The following CARF variants were observed in gnomAD, a reference collection of about 807,000 sequenced individuals.
CARF encodes the protein calcium-responsive transcription factor.
CARF carries 57 observed loss-of-function variants against 82.0 expected under a neutral mutation model. That is an observed-to-expected ratio of 0.70 (90% CI 0.56 to 0.87). The LOEUF is 0.87. CARF is among the 40% of genes least tolerant of loss of function. The pLI, the probability that CARF is intolerant of heterozygous loss-of-function variation, is 0.00. For synonymous variants in CARF, 268 were observed against 290.1 expected (o/e 0.92, Z 0.77); for missense variants, 771 against 855.8 (o/e 0.90, Z 1.24).
chr2:202,937,670 G>A (rs571369231), intron 3 of CARF, among the ~76,000 whole-genome samples: 2 of 151,906 alleles, frequency 1.3e-5, no homozygotes, highest in Non-Finnish European at 1.5e-5. Context: ...TGTTGCCCAG[G>A]CTAGAGTGCA....
chr2:202,933,489 T>A (rs553651107), intron 3 of CARF, among the ~76,000 whole-genome samples: 3 of 152,034 alleles, frequency 2.0e-5, no homozygotes, highest in African/African-American at 7.2e-5. Context: ...AGTGGTGAGG[T>A]CTATTGGTAG....
At chr2:202,962,296 C>T (rs1468760992) in intron 9 of CARF, 1 of 152,090 alleles carries the variant, frequency 6.6e-6, no homozygotes, top group Admixed American at 6.6e-5. Flanking sequence ...GTTTGAGACC[C>T]ACCTGGGCAA....
rs1276376287 is a variant in CARF at position 202,986,831 on chromosome 2, C to G, written c.*3207C>G. ...TGAGAAAGATGTTGTTTAACTTGTA[C>G]CAGGTTTAAAAAAAGAGGTTTAAAA... On this transcript the variant is annotated 3_prime_UTR_variant, in exon 17 of 17. Coordinates refer to ENST00000438828, the MANE Select transcript of CARF (RefSeq NM_024744.17). 1.2e-5 allele frequency: 1 copy of G among 86,916 alleles called. No homozygotes were observed. The highest frequency in any genetic ancestry group is 1.4e-4 in the Admixed American group (1 of 7,298). The allele number at this position is 86,916 out of a possible 1,614,324, so 5.4% of individuals were successfully genotyped here.
intron 11 of CARF, among the ~76,000 whole-genome samples, chr2:202,970,374 T>C (rs1202947835): frequency 6.6e-6 from 1 of 152,224 alleles, no homozygotes; most frequent in African/African-American, 2.4e-5. Context: ...CTTTATTATA[T>C]ATTTAGTACT....
At chr2:202,921,848 TG>T (rs1165033408) in intron 2 of CARF, among the ~76,000 whole-genome samples, 2 of 151,862 alleles carry the variant, frequency 1.3e-5, no homozygotes, top group Non-Finnish European at 2.9e-5. Context: ...TTTCCTGAGA[TG>T]GGGTCTCACT....
chr2:202,944,181 A>G (rs542972596), intron 5 of CARF, among the ~76,000 whole-genome samples: 3 of 152,314 alleles, frequency 2.0e-5, no homozygotes, highest in East Asian at 1.9e-4. Flanking sequence ...GGCTAAAAGT[A>G]TTTTTGACCA....
intron 9 of CARF, 130 bp from the exon 10 acceptor site, chr2:202,966,848 C>CATTA: frequency 1.3e-6 from 1 of 755,084 alleles, no homozygotes; most frequent in East Asian, 2.6e-5. Flanking sequence ...GTAAGACTTA[C>CATTA]TAATGTTTTC....
chr2:202,912,412 G>T lies in CARF; in HGVS notation c.-1020G>T, dbSNP rs1209280209. On this transcript the variant is annotated 5_prime_UTR_variant, in exon 1 of 17. Coordinates refer to ENST00000438828, the MANE Select transcript of CARF (RefSeq NM_024744.17). Reference sequence around the variant, plus strand: ...TGGGGCTATCGGCGGCGGCAGGACTGGGGGAGTCAGAGGTCTGGCAGCGCT... The same window carrying T: ...TGGGGCTATCGGCGGCGGCAGGACTTGGGGAGTCAGAGGTCTGGCAGCGCT... 6.6e-6 allele frequency: 1 copy of T among 150,564 alleles called. No individual in the cohort carries two copies. Among genetic ancestry groups the T allele is most frequent in the Non-Finnish European group, 1.5e-5 (1 of 67,606 alleles). The allele number at this position is 150,564 out of a possible 1,614,324, so 9.3% of individuals were successfully genotyped here. A position where few individuals can be genotyped will look rare whatever the true frequency, so the allele number is the denominator to read the frequency against.
In CARF at chr2:202,912,697, G is replaced by A. The variant is rs1237068049; in HGVS notation, c.-735G>A. On this transcript the variant is annotated 5_prime_UTR_variant, in exon 1 of 17. Coordinates refer to ENST00000438828, the MANE Select transcript of CARF (RefSeq NM_024744.17). ...AGGCTGGAGAAGGAGGAGGTTAGGT[G>A]TCTTCAGGAGGGTTGCTGAGCCCAA... The A allele has an allele frequency of 5.9e-5, 9 of 151,454 alleles. No homozygotes were observed. Among genetic ancestry groups the A allele is most frequent in the Non-Finnish European group, 8.9e-5 (6 of 67,748 alleles). 9.4% of individuals were successfully genotyped at this position (151,454 alleles called of 1,614,324 possible).
At chr2:202,919,646 T>C (rs1690417037) in intron 2 of CARF, among the ~76,000 whole-genome samples, 1 of 152,174 alleles carries the variant, frequency 6.6e-6, no homozygotes, top group Non-Finnish European at 1.5e-5. Context: ...AAGGAACAAA[T>C]AATTCCTTTT....
At chr2:202,931,268 G>A (rs1325727900) in intron 3 of CARF, among the ~76,000 whole-genome samples, 3 of 151,972 alleles carry the variant, frequency 2.0e-5, no homozygotes, top group Non-Finnish European at 4.4e-5. Context: ...CACTGCTCCC[G>A]GCCATGACTT....
intron 3 of CARF, among the ~76,000 whole-genome samples, chr2:202,931,487 T>C (rs778856099): frequency 1.3e-5 from 2 of 152,226 alleles, no homozygotes; most frequent in Non-Finnish European, 2.9e-5. Context: ...CCTGCATTGT[T>C]TGAGGGTCAG....
chr2:202,967,289 C>G (rs2059595489), intron 10 of CARF, among the ~76,000 whole-genome samples, 191 bp downstream of exon 10: 1 of 152,166 alleles, frequency 6.6e-6, no homozygotes, highest in Non-Finnish European at 1.5e-5. Context: ...CAAAGATATT[C>G]TGTGTATATG....
chr2:202,956,007 A>G (rs2059020125), intron 8 of CARF, among the ~76,000 whole-genome samples: 1 of 151,922 alleles, frequency 6.6e-6, no homozygotes, highest in African/African-American at 2.4e-5. Context: ...CTCGTAGTCC[A>G]TGAAACTTCA....
chr2:202,933,644 G>A (rs928891444), intron 3 of CARF, among the ~76,000 whole-genome samples: 6 of 126,704 alleles, frequency 4.7e-5, no homozygotes, highest in Admixed American at 4.0e-4. Context: ...TTCTGTGCTC[G>A]TCAATGCTCT....
intron 5 of CARF, among the ~76,000 whole-genome samples, chr2:202,943,511 C>A (rs1458647853): frequency 6.8e-6 from 1 of 147,046 alleles, no homozygotes; most frequent in Non-Finnish European, 1.5e-5. Context: ...GCTTTGAGAT[C>A]AATTGGAAAT....
chr2:202,928,786 A>G lies in CARF; in HGVS notation c.-44+4371A>G, dbSNP rs6708361. On this transcript the variant is annotated intron_variant, in intron 3 of 16. Coordinates refer to ENST00000438828, the MANE Select transcript of CARF (RefSeq NM_024744.17). Reference sequence around the variant, plus strand: ...TCTTCGTCAGACAGGGTCTCATTCTATCGTCCAGGCTGGAGTGCAGTGGCT... The same window carrying G: ...TCTTCGTCAGACAGGGTCTCATTCTGTCGTCCAGGCTGGAGTGCAGTGGCT... 4.7e-3 allele frequency among the ~76,000 whole-genome samples: 716 copies of G among 152,186 alleles called. 7 individuals carry two copies. Among genetic ancestry groups the G allele is most frequent in the African/African-American group, 0.016 (681 of 41,534 alleles).
intron 12 of CARF, chr2:202,973,487 C>A: frequency 2.3e-6 from 1 of 431,958 alleles, no homozygotes. Context: ...TCAAGCCCAT[C>A]ATATTTCATA....
chr2:202,921,338 A>G (rs531658300), intron 2 of CARF, among the ~76,000 whole-genome samples: 1 of 152,294 alleles, frequency 6.6e-6, no homozygotes, highest in South Asian at 2.1e-4. Context: ...TTTTAGATCT[A>G]TGTAAACACC....
Sources: gnomAD v4.1 joint callset for allele counts (sites outside exome capture counted in the v4.1 genomes callset) on GRCh38, gnomAD v4.1.1 for gene constraint, MANE v1.5 for transcripts, NCBI Gene and HGNC (gene_info 2026-07-23, HGNC 2026-07-21) for gene names.